The following RBFOX3 variants were observed in gnomAD, a reference collection of about 807,000 sequenced individuals.
RBFOX3 encodes RNA binding fox-1 homolog 3.
Under a neutral mutation model 48.7 loss-of-function variants are expected in RBFOX3, and 17 were observed. That is an observed-to-expected ratio of 0.35 (90% CI 0.24 to 0.52). The LOEUF is 0.52. Among genes scored for constraint, RBFOX3 ranks in the 20% least tolerant of loss-of-function variants. RBFOX3 has a pLI of 0.94. For synonymous variants in RBFOX3, 212 were observed against 209.5 expected, an observed-to-expected ratio of 1.01 and a Z score of -0.10; for missense variants, 382 against 497.5, an observed-to-expected ratio of 0.77 and a Z score of 2.21.
At chr17:79,455,535 G>C (rs2149200325) in intron 2 of RBFOX3, among the ~76,000 whole-genome samples, 1 of 152,236 alleles carries the variant, frequency 6.6e-6, no homozygotes, top group South Asian at 2.1e-4. Context: ...AAACCTTTGA[G>C]CAGAGGCCAG....
chr17:79,157,494 A>G (rs539902878), intron 4 of RBFOX3, among the ~76,000 whole-genome samples: 2 of 152,360 alleles, frequency 1.3e-5, no homozygotes, highest in African/African-American at 4.8e-5. Context: ...TCTAGCCCAC[A>G]GCGAGAACTG....
At chr17:79,520,626 G>A (rs1483650497) in intron 1 of RBFOX3, among the ~76,000 whole-genome samples, 9 of 152,200 alleles carry the variant, frequency 5.9e-5, no homozygotes, top group Admixed American at 1.3e-4. Flanking sequence ...TAATGTCCTC[G>A]GCCACCTGAG....
intron 4 of RBFOX3, among the ~76,000 whole-genome samples, chr17:79,231,865 A>T (rs1227244464): frequency 6.6e-6 from 1 of 152,226 alleles, no homozygotes; most frequent in Non-Finnish European, 1.5e-5. Context: ...TGATCGCTGT[A>T]TTAGTCCATT....
chr17:79,311,434 CAAAAA>C lies in RBFOX3; in HGVS notation c.-174-3615_-174-3611del, dbSNP rs35265527. Among the ~76,000 whole-genome samples the C allele has an allele frequency of 9.7e-6, 1 of 102,576 alleles. No homozygotes were observed. The highest frequency in any genetic ancestry group is 3.4e-5 in the African/African-American group (1 of 29,844). The allele number at this position is 102,576 out of a possible 152,430, so 67.3% of individuals were successfully genotyped here. On this transcript the variant is annotated intron_variant, in intron 2 of 14. Transcript: ENST00000693108. This position sits in a 1 kb window ranked among gnomAD's most constrained non-coding sequence, Gnocchi z 4.2. ...GGTAAGAAGAGCGAGACTCCATCTC[CAAAAA>C]AAAAAAAAAAAAAAACAGACTGCAG...
At chr17:79,610,404 C>A (rs920032363) in intron 1 of RBFOX3, among the ~76,000 whole-genome samples, 3 of 151,892 alleles carry the variant, frequency 2.0e-5, no homozygotes, top group Non-Finnish European at 4.4e-5. Context: ...CTGCCTCCCC[C>A]CGCCGGGGAG....
At chr17:79,519,971 C>T (rs1404635380) in intron 1 of RBFOX3, among the ~76,000 whole-genome samples, 3 of 152,094 alleles carry the variant, frequency 2.0e-5, no homozygotes, top group Admixed American at 6.5e-5. Context: ...GCTGTCACCT[C>T]GAGGATGGTG....
At chr17:79,415,162 T>C (rs1462294967) in intron 2 of RBFOX3, among the ~76,000 whole-genome samples, 1 of 152,200 alleles carries the variant, frequency 6.6e-6, no homozygotes. Flanking sequence ...CGGTGCCACC[T>C]ACGAGGACCG....
chr17:79,192,133 C>T (rs1305199281), intron 4 of RBFOX3, among the ~76,000 whole-genome samples: 2 of 152,180 alleles, frequency 1.3e-5, no homozygotes, highest in East Asian at 3.8e-4. Flanking sequence ...CTTTCCTGAT[C>T]CACTCTAGCA....
chr17:79,557,370 C>T (rs1484718495), intron 1 of RBFOX3, among the ~76,000 whole-genome samples: 1 of 151,552 alleles, frequency 6.6e-6, no homozygotes, highest in Non-Finnish European at 1.5e-5. Flanking sequence ...CCTGCCCACC[C>T]ACCCAGCCAT....
intron 2 of RBFOX3, among the ~76,000 whole-genome samples, chr17:79,355,163 C>T (rs1036748461): frequency 1.3e-5 from 2 of 152,200 alleles, no homozygotes; most frequent in Admixed American, 6.5e-5. Flanking sequence ...ACATTTAACA[C>T]GGGGTTCGGC....
intron 3 of RBFOX3, among the ~76,000 whole-genome samples, chr17:79,265,381 G>A (rs992574409): frequency 1.3e-5 from 2 of 152,148 alleles, no homozygotes; most frequent in Non-Finnish European, 2.9e-5. Flanking sequence ...GGGTTTCACC[G>A]GCAGCAGCTG....
intron 2 of RBFOX3, among the ~76,000 whole-genome samples, chr17:79,395,959 G>A (rs1266750675): frequency 6.6e-6 from 1 of 152,192 alleles, no homozygotes; most frequent in Non-Finnish European, 1.5e-5. Context: ...CACTAACAAG[G>A]TGCACACAAG....
chr17:79,634,792 G>A, the RBFOX3 span, among the ~76,000 whole-genome samples: 2 of 152,034 alleles, frequency 1.3e-5, no homozygotes, highest in Non-Finnish European at 2.9e-5. Context: ...GGGAGCAATG[G>A]CTCACACCTG....
intron 2 of RBFOX3, among the ~76,000 whole-genome samples, chr17:79,397,215 G>C (rs2062103083): frequency 6.6e-6 from 1 of 152,142 alleles, no homozygotes; most frequent in Non-Finnish European, 1.5e-5. Flanking sequence ...GGGCGCAGTG[G>C]CTCACGCCTG....
At chr17:79,646,423 G>T in the RBFOX3 span, among the ~76,000 whole-genome samples, 2 of 152,182 alleles carry the variant, frequency 1.3e-5, no homozygotes, top group African/African-American at 2.4e-5. Flanking sequence ...GAGGTTTAAT[G>T]AACTTACAGT....
At chr17:79,447,740 A>T (rs2072621669) in intron 2 of RBFOX3, among the ~76,000 whole-genome samples, 1 of 152,152 alleles carries the variant, frequency 6.6e-6, no homozygotes, top group Admixed American at 6.5e-5. Flanking sequence ...CATCCATGTG[A>T]GCATTGCTCA....
chr17:79,259,291 G>A (rs958744578), intron 3 of RBFOX3, among the ~76,000 whole-genome samples: 3 of 152,240 alleles, frequency 2.0e-5, no homozygotes, highest in African/African-American at 7.2e-5. Flanking sequence ...GCAGGAGTGG[G>A]GAGTGGGCAC....
chr17:79,620,068 T>C, the RBFOX3 span, among the ~76,000 whole-genome samples: 1,077 of 132,770 alleles, frequency 8.1e-3, 16 homozygotes, highest in East Asian at 0.072. Flanking sequence ...CATATGTACA[T>C]GCACACATGC....
At chr17:79,536,864 T>C (rs571158856) in intron 1 of RBFOX3, among the ~76,000 whole-genome samples, 65 of 152,186 alleles carry the variant, frequency 4.3e-4, no homozygotes, top group African/African-American at 1.5e-3. Flanking sequence ...GGCGGGCAGA[T>C]CACAAGGTCA....
Sources: gnomAD v4.1 joint callset for allele counts (sites outside exome capture counted in the v4.1 genomes callset) on GRCh38, gnomAD v4.1.1 for gene constraint, Gnocchi (gnomAD v3.1) non-coding constraint, MANE v1.5 for transcripts, NCBI Gene and HGNC (gene_info 2026-07-23, HGNC 2026-07-21) for gene names.